Variants in CCDC148 observed in about 807,000 individuals in gnomAD.
CCDC148 encodes the protein coiled-coil domain containing 148, also known as coiled-coil domain-containing protein 148.
CCDC148 carries 89 observed loss-of-function variants against 85.7 expected under a neutral mutation model. The observed-to-expected ratio is 1.04, with a 90% CI of 0.87 to 1.24. The LOEUF (loss-of-function observed/expected upper bound fraction) is 1.24. Among genes scored for constraint, CCDC148 ranks in the 50% most tolerant of loss-of-function variants. CCDC148 has a pLI of 0.00. For missense variants in CCDC148, 692 were observed against 671.7 expected (o/e 1.03, Z -0.33); for synonymous variants, 230 against 213.9 (o/e 1.08, Z -0.66).
chr2:158,231,325 C>A (rs932678114), intron 10 of CCDC148, among the ~76,000 whole-genome samples: 1 of 152,150 alleles, frequency 6.6e-6, no homozygotes, highest in African/African-American at 2.4e-5. Flanking sequence ...AGAACAAATG[C>A]CACCTCCTCA....
intron 7 of CCDC148, among the ~76,000 whole-genome samples, chr2:158,323,919 CTTTTTTTTTT>C (rs777356867): frequency 2.4e-5 from 2 of 82,944 alleles, no homozygotes; most frequent in Admixed American, 1.5e-4. Context: ...CTGGGAATAA[CTTTTTTTTTT>C]TTTTTTTTTT....
chr2:158,302,198 G>A (rs1236427626), intron 9 of CCDC148, among the ~76,000 whole-genome samples: 1 of 152,154 alleles, frequency 6.6e-6, no homozygotes, highest in East Asian at 1.9e-4. Flanking sequence ...AGACAGAAAG[G>A]CATAGGGTGG....
At chr2:158,298,528 T>C (rs1243910485) in intron 9 of CCDC148, among the ~76,000 whole-genome samples, 1 of 152,152 alleles carries the variant, frequency 6.6e-6, no homozygotes, top group Non-Finnish European at 1.5e-5. Context: ...TCTTATGTTA[T>C]CTGCTCTATT....
chr2:158,333,297 G>A (rs1013084280), intron 7 of CCDC148, among the ~76,000 whole-genome samples: 1 of 152,158 alleles, frequency 6.6e-6, no homozygotes. Flanking sequence ...TCATTCAGGA[G>A]CAGGTTGTTC....
intron 10 of CCDC148, among the ~76,000 whole-genome samples, chr2:158,227,651 C>T (rs1449822868): frequency 3.9e-5 from 6 of 152,060 alleles, no homozygotes; most frequent in Admixed American, 6.6e-5. Flanking sequence ...GAAATAATGC[C>T]GCATATCTAC....
intron 10 of CCDC148, among the ~76,000 whole-genome samples, chr2:158,240,456 A>T (rs147376289): frequency 0.014 from 680 of 47,336 alleles, 8 homozygotes; most frequent in African/African-American, 0.033. Context: ...TCTCTCTCAC[A>T]CACACACACA....
chr2:158,342,535 T>A (rs1682767045), intron 3 of CCDC148, among the ~76,000 whole-genome samples: 1 of 152,130 alleles, frequency 6.6e-6, no homozygotes. Flanking sequence ...AACACAGCAC[T>A]TAAAAACCAT....
chr2:158,315,229 C>A (rs1023169613), intron 7 of CCDC148, among the ~76,000 whole-genome samples: 2 of 152,156 alleles, frequency 1.3e-5, no homozygotes, highest in Non-Finnish European at 2.9e-5. Flanking sequence ...TAAAGCAGTA[C>A]AAATAGGAGT....
In CCDC148 at chr2:158,429,403, A is replaced by G. The variant is rs185090626; in HGVS notation, c.25+27012T>C. Among the ~76,000 whole-genome samples, 107 of 152,192 alleles carry G rather than the reference A, an allele frequency of 7.0e-4. 1 individual carries two copies. The South Asian group carries it at 0.014, about 19-fold the overall frequency. On this transcript the variant is annotated intron_variant, in intron 1 of 13. Coordinates refer to ENST00000283233, the MANE Select transcript of CCDC148 (RefSeq NM_138803.4). ...TAGATAGATAGATAGATAGATAGAT[A>G]GGAATACTTAGAACTAAGCCTTGAG... is the stretch of plus-strand genomic sequence containing the variant.
At chr2:158,351,065 C>T (rs1482874767) in intron 2 of CCDC148, among the ~76,000 whole-genome samples, 1 of 152,154 alleles carries the variant, frequency 6.6e-6, no homozygotes, top group Admixed American at 6.5e-5. Context: ...GAAAAGCCTT[C>T]CCTAACCACT....
chr2:158,356,237 A>G (rs1427560916), intron 2 of CCDC148, among the ~76,000 whole-genome samples: 1 of 140,606 alleles, frequency 7.1e-6, no homozygotes, highest in Non-Finnish European at 1.5e-5. Context: ...AATGGGATCT[A>G]ATTAAAATAA....
intron 7 of CCDC148, among the ~76,000 whole-genome samples, chr2:158,331,766 T>A (rs1346081468): frequency 2.6e-5 from 4 of 152,228 alleles, no homozygotes; most frequent in Non-Finnish European, 5.9e-5. Context: ...TGTAATCACC[T>A]TCTTTGTCTC....
At chr2:158,302,353 T>C (rs1324903258) in intron 9 of CCDC148, among the ~76,000 whole-genome samples, 1 of 151,856 alleles carries the variant, frequency 6.6e-6, no homozygotes, top group Non-Finnish European at 1.5e-5. Context: ...TAGGAAACAG[T>C]CATAAAAGGA....
chr2:158,256,133 T>C (rs1689000386), intron 9 of CCDC148, among the ~76,000 whole-genome samples: 1 of 151,726 alleles, frequency 6.6e-6, no homozygotes, highest in Non-Finnish European at 1.5e-5. Flanking sequence ...GAAATTAACA[T>C]CAATGAAACA....
At chr2:158,388,675 A>C (rs1318778624) in intron 1 of CCDC148, among the ~76,000 whole-genome samples, 3 of 152,084 alleles carry the variant, frequency 2.0e-5, no homozygotes, top group East Asian at 1.9e-4. Context: ...TTGTATTTTT[A>C]GTAGAGACAG....
At chr2:158,239,520 C>A (rs1294352832) in intron 10 of CCDC148, among the ~76,000 whole-genome samples, 1 of 152,086 alleles carries the variant, frequency 6.6e-6, no homozygotes, top group Non-Finnish European at 1.5e-5. Context: ...GACTCATATA[C>A]TGTACCAAGA....
intron 7 of CCDC148, among the ~76,000 whole-genome samples, chr2:158,325,987 A>G (rs1028281878): frequency 1.5e-4 from 23 of 152,140 alleles, no homozygotes; most frequent in Admixed American, 1.3e-3. Flanking sequence ...TCTGCTAAAC[A>G]TAAGTCTGAT....
intron 1 of CCDC148, among the ~76,000 whole-genome samples, chr2:158,363,620 A>G (rs941253722): frequency 9.2e-5 from 14 of 152,188 alleles, no homozygotes; most frequent in African/African-American, 3.4e-4. Context: ...AACACCCTTC[A>G]TGCTAAAAAC....
chr2:158,193,528 C>T (rs894876305), intron 11 of CCDC148, among the ~76,000 whole-genome samples: 5 of 151,794 alleles, frequency 3.3e-5, no homozygotes, highest in Non-Finnish European at 7.4e-5. Flanking sequence ...AAACGTTTAG[C>T]GCATTCAAGC....
Sources: gnomAD v4.1 joint callset for allele counts (sites outside exome capture counted in the v4.1 genomes callset) on GRCh38, gnomAD v4.1.1 for gene constraint, MANE v1.5 for transcripts, NCBI Gene and HGNC (gene_info 2026-07-23, HGNC 2026-07-21) for gene names.